CFAP54: variants seen among roughly 807,000 people sequenced by gnomAD.
CFAP54 encodes cilia and flagella associated protein 54, also known as cilia- and flagella-associated protein 54.
CFAP54 carries 290 observed loss-of-function variants against 370.4 expected under a neutral mutation model. The observed-to-expected ratio is 0.78, with a 90% CI of 0.71 to 0.86. The LOEUF is 0.86. Among genes scored for constraint, CFAP54 ranks in the 40% least tolerant of loss-of-function variants. The pLI, the probability that CFAP54 is intolerant of heterozygous loss-of-function variation, is 0.00. For synonymous variants in CFAP54, 1,206 were observed against 1,236.5 expected (o/e 0.98, Z 0.52); for missense variants, 3,399 against 3,528.7 (o/e 0.96, Z 0.93).
rs1397132418 is a variant in CFAP54, at chr12:96,724,815, C to A, written c.6965+4250C>A. On this transcript the variant is annotated intron_variant, in intron 50 of 67. Transcript: ENST00000524981. ...AGGGTTTTTATGGTTTTAGGTCTAA[C>A]GTTTAAGTCTTTAATCCATCTTGAA... Among the ~76,000 whole-genome samples, 3 of 152,098 alleles carry A rather than the reference C, an allele frequency of 2.0e-5. No individual in the cohort carries two copies. In the South Asian group the frequency reaches 6.2e-4, roughly 32 times the overall value.
chr12:96,520,037 T>C (rs1955286114), intron 6 of CFAP54, among the ~76,000 whole-genome samples: 1 of 152,168 alleles, frequency 6.6e-6, no homozygotes, highest in African/African-American at 2.4e-5. Context: ...TTTTCTTTCT[T>C]TATTTTTTAA....
chr12:96,687,178 C>T (rs1158237247), intron 42 of CFAP54, among the ~76,000 whole-genome samples: 2 of 152,120 alleles, frequency 1.3e-5, no homozygotes, highest in African/African-American at 4.8e-5. Flanking sequence ...TCTGACCCTC[C>T]TGCCTTTCTC....
At chr12:96,664,769 A>C (rs1403985757) in intron 39 of CFAP54, among the ~76,000 whole-genome samples, 1 of 39,812 alleles carries the variant, frequency 2.5e-5, no homozygotes, top group South Asian at 7.8e-4. Flanking sequence ...ATATATCTAT[A>C]TCTATATCTA....
chr12:96,556,127 T>C (rs1182442419), intron 17 of CFAP54, among the ~76,000 whole-genome samples: 1 of 151,462 alleles, frequency 6.6e-6, no homozygotes. Flanking sequence ...AAGAGTTAAA[T>C]GTAAAAAAAA....
chr12:96,600,995 T>C (rs544141858), intron 26 of CFAP54, among the ~76,000 whole-genome samples: 1 of 152,208 alleles, frequency 6.6e-6, no homozygotes, highest in African/African-American at 2.4e-5. Flanking sequence ...TCCAATACTA[T>C]GTTGAATAGG....
chr12:96,850,216 TAAAAA>T (rs35493066), intron 66 of CFAP54, among the ~76,000 whole-genome samples: 2 of 101,136 alleles, frequency 2.0e-5, no homozygotes, highest in African/African-American at 7.7e-5. Context: ...CTGTCTCTAC[TAAAAA>T]AAAAAAAAAA....
At chr12:96,850,872 G>A (rs34445) in intron 66 of CFAP54, among the ~76,000 whole-genome samples, 88,346 of 151,816 alleles carry the variant, frequency 0.58, 26,364 homozygotes, top group African/African-American at 0.7. Flanking sequence ...TCGCTATCAG[G>A]AGAACAGCAT....
chr12:96,782,486 A>T (rs1958589519), intron 60 of CFAP54, among the ~76,000 whole-genome samples: 1 of 152,144 alleles, frequency 6.6e-6, no homozygotes, highest in African/African-American at 2.4e-5. Context: ...TACATTTTTA[A>T]CAGAAAACGT....
At chr12:96,825,395 CAT>C (rs1286781147) in intron 65 of CFAP54, among the ~76,000 whole-genome samples, 1 of 104,152 alleles carries the variant, frequency 9.6e-6, no homozygotes, top group Admixed American at 1.2e-4. Flanking sequence ...TATTATGTAA[CAT>C]GTTGTATTAT....
intron 62 of CFAP54, among the ~76,000 whole-genome samples, chr12:96,789,440 G>A (rs1478252774): frequency 6.6e-6 from 1 of 152,196 alleles, no homozygotes; most frequent in Non-Finnish European, 1.5e-5. Flanking sequence ...TATTTTTGAG[G>A]ATTACTGCCA....
At chr12:96,623,949 CA>C (rs1956526661) in intron 28 of CFAP54, 68 bp downstream of exon 28, 1 of 1,033,180 alleles carries the variant, frequency 9.7e-7, no homozygotes. Context: ...CTATTTTGTT[CA>C]AAGGATTAAG....
rs1261335225 is a variant in CFAP54, at chr12:96,720,797, A to T, written c.6965+232A>T. On this transcript the variant is annotated intron_variant, in intron 50 of 67. Coordinates refer to ENST00000524981, the MANE Select transcript of CFAP54 (RefSeq NM_001306084.2). The stretch of plus-strand genomic sequence containing the variant: ...AGCACTTTGGGAGGCTGAGGTGGGC[A>T]GATCACTTGAGGCCAGGAGTTGGAG... Among the ~76,000 whole-genome samples, 3 of 152,116 alleles carry T rather than the reference A, an allele frequency of 2.0e-5. No homozygotes were observed. In the East Asian group the frequency reaches 5.8e-4, roughly 29 times the overall value.
At chr12:96,857,893 C>A (rs1212456741) in intron 66 of CFAP54, among the ~76,000 whole-genome samples, 1 of 152,152 alleles carries the variant, frequency 6.6e-6, no homozygotes, top group Non-Finnish European at 1.5e-5. Context: ...TCAGGCAGGT[C>A]TTTATAGCTG....
chr12:96,704,100 A>G (rs926936850), intron 46 of CFAP54, among the ~76,000 whole-genome samples: 3 of 152,304 alleles, frequency 2.0e-5, no homozygotes, highest in South Asian at 2.1e-4. Context: ...TGTAATGTTT[A>G]GTGAACATGG....
intron 39 of CFAP54, among the ~76,000 whole-genome samples, chr12:96,678,611 A>G (rs1957237686): frequency 6.6e-6 from 1 of 152,044 alleles, no homozygotes; most frequent in Non-Finnish European, 1.5e-5. Context: ...GTCCTAATCA[A>G]GTTTTCCCTA....
At chr12:96,859,392 TG>T (rs71078429) in intron 66 of CFAP54, among the ~76,000 whole-genome samples, 57,564 of 151,626 alleles carry the variant, frequency 0.38, 11,437 homozygotes, top group East Asian at 0.53. Flanking sequence ...ATGCACTTTT[TG>T]TTTGTTTGTT....
rs1956496257 is a variant in CFAP54 at position 96,621,875 on chromosome 12, G to GTTTGTTTTTTTTTTT, written c.3771+157_3771+158insGTTTTTTTTTTTTTT. Among the ~76,000 whole-genome samples, 135 of 50,042 alleles carry GTTTGTTTTTTTTTTT rather than the reference G, an allele frequency of 2.7e-3. 3 individuals carry two copies. The highest frequency in any genetic ancestry group is 3.5e-3 in the Admixed American group (10 of 2,842). 32.8% of individuals were successfully genotyped at this position (50,042 alleles called of 152,430 possible). A position where few individuals can be genotyped will look rare whatever the true frequency, so the allele number is the denominator to read the frequency against. Reference sequence around the variant, plus strand: ...ATTATAGTAAAGAGCTTTTGGGTTTGTTTTTTTTTTTTTTTTTTTTTTTTT... The same window carrying GTTTGTTTTTTTTTTT: ...ATTATAGTAAAGAGCTTTTGGGTTTGTTTGTTTTTTTTTTTTTTTTTTTTTTTTTTTTTTTTTTTT... On this transcript the variant is annotated intron_variant, in intron 27 of 67. Coordinates refer to ENST00000524981, the MANE Select transcript of CFAP54 (RefSeq NM_001306084.2).
chr12:96,843,048 G>A (rs531803097), intron 66 of CFAP54, among the ~76,000 whole-genome samples: 44 of 152,278 alleles, frequency 2.9e-4, no homozygotes, highest in Non-Finnish European at 5.1e-4. Flanking sequence ...GACCCACAAG[G>A]TCTGTCCTCT....
intron 55 of CFAP54, among the ~76,000 whole-genome samples, chr12:96,750,490 A>T (rs946672028): frequency 2.0e-5 from 3 of 152,202 alleles, no homozygotes; most frequent in African/African-American, 7.2e-5. Context: ...CTTGACATAA[A>T]TTACTTCCCC....
Sources: allele counts gnomAD v4.1 joint callset (sites outside exome capture counted in the v4.1 genomes callset), GRCh38; gene constraint gnomAD v4.1.1; transcripts MANE v1.5; gene names NCBI Gene and HGNC (gene_info 2026-07-23, HGNC 2026-07-21).